The following CSMD1 variants were observed in gnomAD, a reference collection of about 807,000 sequenced individuals.
CSMD1 encodes the protein CUB and sushi domain-containing protein 1.
Under a neutral mutation model 417.5 loss-of-function variants are expected in CSMD1, and 213 were observed. The ratio of observed to expected loss-of-function variants is 0.51; its 90% CI spans 0.46 to 0.57. The LOEUF (loss-of-function observed/expected upper bound fraction) is 0.57, where lower values mean the gene tolerates loss of function less well. Among genes scored for constraint, CSMD1 ranks in the 20% least tolerant of loss-of-function variants. The pLI, the probability that CSMD1 is intolerant of heterozygous loss-of-function variation, is 0.00. For synonymous variants in CSMD1, 2,862 were observed against 1,736.8 expected (o/e 1.65, Z -16.11); for missense variants, 6,923 against 4,529.7 (o/e 1.53, Z -15.17).
At chr8:3,397,859 A>G (rs989961719) in intron 16 of CSMD1, among the ~76,000 whole-genome samples, 2 of 152,160 alleles carry the variant, frequency 1.3e-5, no homozygotes, top group Non-Finnish European at 2.9e-5. Context: ...CCATCAGCAC[A>G]GAGCTCAGAA....
intron 3 of CSMD1, among the ~76,000 whole-genome samples, chr8:4,054,904 C>A (rs1023889647): frequency 2.0e-5 from 3 of 152,082 alleles, no homozygotes; most frequent in African/African-American, 7.2e-5. Flanking sequence ...TGCCTGTGCC[C>A]TGAGCTCTGG....
chr8:4,903,254 C>T (rs1326419619), intron 1 of CSMD1, among the ~76,000 whole-genome samples: 1 of 152,186 alleles, frequency 6.6e-6, no homozygotes, highest in Non-Finnish European at 1.5e-5. Flanking sequence ...CTTAGTGTGT[C>T]ATCTTCATTC....
intron 3 of CSMD1, among the ~76,000 whole-genome samples, chr8:4,284,388 A>G (rs1370548317): frequency 1.3e-3 from 6 of 4,794 alleles, no homozygotes; most frequent in Admixed American, 0.012. Flanking sequence ...ACCCTCCCCA[A>G]AAAGAGAAAG....
chr8:4,789,570 C>T (rs1212233910), intron 1 of CSMD1, among the ~76,000 whole-genome samples: 1 of 152,150 alleles, frequency 6.6e-6, no homozygotes, highest in African/African-American at 2.4e-5. Context: ...TGTTCACAAT[C>T]TGGCACCCTA....
chr8:4,660,789 ATCCAATT>A (rs1804543858), intron 1 of CSMD1, among the ~76,000 whole-genome samples: 1 of 152,034 alleles, frequency 6.6e-6, no homozygotes, highest in South Asian at 2.1e-4. Flanking sequence ...AAAGCCAACA[ATCCAATT>A]AGAAAATGGG....
intron 41 of CSMD1, among the ~76,000 whole-genome samples, chr8:3,130,522 C>A (rs571516526): frequency 1.3e-5 from 2 of 152,260 alleles, no homozygotes; most frequent in East Asian, 3.9e-4. Context: ...AGTGACATCA[C>A]ATTGCACCTA....
Position 3,671,433 on chromosome 8 carries a change from A to G in CSMD1, c.1009+36981T>C, listed in dbSNP as rs1238817912. ...TACATCCTAACAGTACTATATATAT[A>G]GTCACATATAATCATATATATAATC... On this transcript the variant is annotated intron_variant, in intron 7 of 69. Transcript: ENST00000635120. Among the ~76,000 whole-genome samples the G allele has an allele frequency of 2.1e-5, 3 of 146,292 alleles. 1 individual carries two copies. Among genetic ancestry groups the G allele is most frequent in the Non-Finnish European group, 4.5e-5 (3 of 66,850 alleles).
At chr8:4,000,118 G>C (rs1448765771) in intron 4 of CSMD1, among the ~76,000 whole-genome samples, 24 of 148,636 alleles carry the variant, frequency 1.6e-4, no homozygotes, top group Admixed American at 1.5e-3. Context: ...CCCTCCGTGG[G>C]CACCACTGTG....
intron 37 of CSMD1, among the ~76,000 whole-genome samples, chr8:3,167,360 C>T (rs569329296): frequency 6.7e-5 from 10 of 150,364 alleles, no homozygotes; most frequent in Non-Finnish European, 1.0e-4. Context: ...GCAAAAACCA[C>T]AATTATTTTT....
At chr8:3,459,681 G>T (rs149721267) in intron 12 of CSMD1, among the ~76,000 whole-genome samples, 3 of 152,044 alleles carry the variant, frequency 2.0e-5, no homozygotes, top group African/African-American at 7.2e-5. Flanking sequence ...AGAGGGCACC[G>T]GATATACTTC....
At position 3,655,083 on chromosome 8, in the gene CSMD1, A is replaced by C. The variant is rs562791427; in HGVS notation, c.1010-38286T>G. 3.9e-4 allele frequency among the ~76,000 whole-genome samples: 60 copies of C among 152,330 alleles called. 1 individual carries two copies. Among genetic ancestry groups the C allele is most frequent in the Non-Finnish European group, 4.3e-4 (29 of 68,030 alleles). ...TAATTTAAAGAATGTTTTTTAACCA[A>C]TTTATTTTCATTCAAAATATGAAAA... On this transcript the variant is annotated intron_variant, in intron 7 of 69. Coordinates refer to ENST00000635120, the MANE Select transcript of CSMD1 (RefSeq NM_033225.6).
chr8:3,651,337 C>G (rs1464756246), intron 7 of CSMD1, among the ~76,000 whole-genome samples: 1 of 152,006 alleles, frequency 6.6e-6, no homozygotes, highest in African/African-American at 2.4e-5. Flanking sequence ...AGATCTAGTC[C>G]CCACCCCCAC....
chr8:4,812,494 C>A (rs898283888), intron 1 of CSMD1, among the ~76,000 whole-genome samples: 1 of 152,010 alleles, frequency 6.6e-6, no homozygotes, highest in Non-Finnish European at 1.5e-5. Flanking sequence ...GACAGATATC[C>A]CAAATACCCC....
chr8:3,968,136 G>A lies in CSMD1; in HGVS notation c.818+29767C>T, dbSNP rs757824963. Among the ~76,000 whole-genome samples the A allele has an allele frequency of 5.3e-5, 8 of 151,872 alleles. No individual in the cohort carries two copies. The East Asian group carries it at 9.7e-4, about 18-fold the overall frequency. On this transcript the variant is annotated intron_variant, in intron 5 of 69. Transcript: ENST00000635120. ...CGGGAGGCAGAGCTTGCAGTGAGCC[G>A]AGATCGACCCACTGCACTCCAGCCT...
chr8:4,408,533 G>C (rs151316624), intron 3 of CSMD1, among the ~76,000 whole-genome samples: 3 of 152,158 alleles, frequency 2.0e-5, no homozygotes, highest in African/African-American at 7.2e-5. Flanking sequence ...TGGACATAAA[G>C]ATTTTCCTAT....
chr8:3,175,914 T>C (rs1398462611), intron 37 of CSMD1, among the ~76,000 whole-genome samples: 1 of 152,154 alleles, frequency 6.6e-6, no homozygotes, highest in Non-Finnish European at 1.5e-5. Context: ...TAGAATTACT[T>C]TGGAGCTATT....
At chr8:3,223,937 G>C in intron 27 of CSMD1, 70 bp from the exon 28 acceptor site, 5 of 1,477,394 alleles carry the variant, frequency 3.4e-6, no homozygotes, top group Non-Finnish European at 4.7e-6. Context: ...AGTGTGGAAG[G>C]AGACACCACA....
chr8:4,807,693 G>A (rs7002893), intron 1 of CSMD1, among the ~76,000 whole-genome samples: 9,028 of 151,848 alleles, frequency 0.059, 395 homozygotes, highest in Non-Finnish European at 0.087. Context: ...CACTATAAAT[G>A]TTTTCTTATA....
intron 3 of CSMD1, among the ~76,000 whole-genome samples, chr8:4,289,686 A>G (rs73500678): frequency 0.011 from 1,613 of 152,274 alleles, 23 homozygotes; most frequent in African/African-American, 0.038. Flanking sequence ...GACATGAGCA[A>G]AACTTTCAGC....
Sources: gnomAD v4.1 joint callset for allele counts (sites outside exome capture counted in the v4.1 genomes callset) on GRCh38, gnomAD v4.1.1 for gene constraint, MANE v1.5 for transcripts, NCBI Gene and HGNC (gene_info 2026-07-23, HGNC 2026-07-21) for gene names.